Variants in NUMA1 observed in about 807,000 individuals in gnomAD.
NUMA1 encodes the protein SP-H antigen.
Under a neutral mutation model 237.1 loss-of-function variants are expected in NUMA1, and 62 were observed. The observed-to-expected ratio is 0.26, with a 90% CI of 0.21 to 0.32. The LOEUF (loss-of-function observed/expected upper bound fraction) is 0.32, where lower values mean the gene tolerates loss of function less well. Among genes scored for constraint, NUMA1 ranks in the 10% least tolerant of loss-of-function variants. The pLI is 1.00. For synonymous variants in NUMA1, 1,028 were observed against 1,066.1 expected, an observed-to-expected ratio of 0.96 and a Z score of 0.70; for missense variants, 2,533 against 2,666.5, an observed-to-expected ratio of 0.95 and a Z score of 1.10.
chr11:72,013,354 C>T lies in NUMA1; in HGVS notation c.4149G>A (p.Glu1383=). The change falls in exon 15 of 27, where the codon GAG becomes GAA. Residue 1383 remains glutamate (E), a synonymous_variant. Transcript: ENST00000393695. The surrounding 1 kb of genome is among the most constrained non-coding windows in gnomAD (Gnocchi z 6.8). ...EQAAAEKRHR[E]ELEQSKQAAG... ...CGGCCTGCTTGCTCTGCTCCAGCTC[C>T]TCACGGTGGCGTTTCTCGGCAGCGG... 4 of 1,609,124 alleles carry T rather than the reference C, an allele frequency of 2.5e-6. No individual in the cohort carries two copies. Among genetic ancestry groups the T allele is most frequent in the Non-Finnish European group, 3.4e-6 (4 of 1,179,920 alleles).
At chr11:72,070,762 AC>A (rs2136275071) in intron 1 of NUMA1, among the ~76,000 whole-genome samples, 1 of 152,306 alleles carries the variant, frequency 6.6e-6, no homozygotes, top group East Asian at 1.9e-4. Context: ...GAGCGAAACC[AC>A]GTATCCAAAC....
At chr11:72,029,337 G>T in intron 3 of NUMA1, 47 bp from the exon 4 acceptor site, 2 of 853,920 alleles carry the variant, frequency 2.3e-6, no homozygotes, top group South Asian at 1.8e-5. Flanking sequence ...GAAGCAACAT[G>T]GTTTGCTCCT....
intron 7 of NUMA1, among the ~76,000 whole-genome samples, chr11:72,021,529 C>CA (rs1346915358): frequency 1.3e-5 from 2 of 152,234 alleles, no homozygotes; most frequent in East Asian, 3.8e-4. Flanking sequence ...GTACCGAAGT[C>CA]AGAGTTCCTG....
Position 72,008,699 on chromosome 11 carries a change from G to C in NUMA1, c.5205C>G (p.Leu1735=). ...LDLSCEEGTP[L]SITSKLPRTQ... The stretch of plus-strand genomic sequence containing the variant: ...GGCTGCCTCCTGACCTGGTGATACT[G>C]AGTGGGGTCCCCTCCTCGCAGCTCA... Residue 1735 remains leucine, a synonymous_variant, in exon 20 of 27, where the codon CTC becomes CTG. Transcript: ENST00000393695. 2.5e-6 allele frequency: 4 copies of C among 1,614,144 alleles called. No homozygotes were observed. The highest frequency in any genetic ancestry group is 8.5e-7 in the Non-Finnish European group (1 of 1,180,038).
chr11:72,008,888 G>A, intron 19 of NUMA1, 43 bp from the exon 20 acceptor site: 2 of 1,613,482 alleles, frequency 1.2e-6, no homozygotes, highest in Non-Finnish European at 1.7e-6. Context: ...AAAAGCCTAA[G>A]GCAGCAGTGG....
At chr11:72,017,269 T>C in intron 13 of NUMA1, 2 of 229,238 alleles carry the variant, frequency 8.7e-6, no homozygotes, top group Non-Finnish European at 1.8e-5. Context: ...TTACCAATAG[T>C]AACAATCACA....
chr11:72,008,359 G>A (rs572867008), intron 20 of NUMA1: 6 of 406,936 alleles, frequency 1.5e-5, no homozygotes, highest in East Asian at 1.0e-4. Flanking sequence ...CTTAATAGTC[G>A]GTCTCCAATG....
rs1229322877 is a variant in NUMA1, at chr11:72,013,446, T to C, written c.4057A>G (p.Thr1353Ala). 3.1e-6 allele frequency: 5 copies of C among 1,613,214 alleles called. No homozygotes were observed. Among genetic ancestry groups the C allele is most frequent in the Non-Finnish European group, 8.5e-7 (1 of 1,180,020 alleles). Residue 1353 changes from threonine (T) to alanine (A), a missense_variant, in exon 15 of 27, where the codon ACA becomes GCA. Physicochemically the swap from Thr to Ala is moderately conservative, Grantham distance 58. This residue lies in a region of NUMA1 where 324 missense variants were observed against 407.6 expected (regional missense o/e 0.79). Coordinates refer to ENST00000393695, the MANE Select transcript of NUMA1 (RefSeq NM_006185.4). The surrounding 1 kb of genome is among the most constrained non-coding windows in gnomAD (Gnocchi z 6.8). ...AGCAGCTCACTCACCAGGGCCTGTG[T>C]GCTGGTGTGCTCGAGCTGCAGGGTG... ...LSTLQLEHTSTQALVSELLPA... is the reference protein window; with the variant it reads ...LSTLQLEHTSAQALVSELLPA...
At chr11:72,036,022 C>A (rs985450337) in intron 2 of NUMA1, 47 bp from the exon 3 acceptor site, 38 of 1,429,640 alleles carry the variant, frequency 2.7e-5, no homozygotes, top group Non-Finnish European at 5.9e-6. Context: ...ATCAGATATC[C>A]ATGATCAAGA....
At chr11:72,024,200 T>C in intron 5 of NUMA1, 74 bp downstream of exon 5, 3 of 1,346,908 alleles carry the variant, frequency 2.2e-6, no homozygotes, top group Non-Finnish European at 2.1e-6. Flanking sequence ...ACCCATGAAC[T>C]AGTTCCTCTG....
Position 72,015,480 on chromosome 11 carries a change from C to G in NUMA1, c.2023G>C (p.Glu675Gln), listed in dbSNP as rs1220462751. 4 of 1,612,762 alleles carry G rather than the reference C, an allele frequency of 2.5e-6. No individual in the cohort carries two copies. The African/African-American group carries it at 5.3e-5, about 22-fold the overall frequency. Residue 675 changes from glutamate (E) to glutamine (Q), a missense_variant, in exon 15 of 27, where the codon GAG becomes CAG. Physicochemically the swap from Glu to Gln is conservative, Grantham distance 29. Coordinates refer to ENST00000393695, the MANE Select transcript of NUMA1 (RefSeq NM_006185.4). The surrounding 1 kb of genome is among the most constrained non-coding windows in gnomAD (Gnocchi z 4.0). ...EQHEAQAQVA[E>Q]LELQLRSEQQ... ...TCAGACCGCAGCTGCAACTCTAGCT[C>G]TGCAACCTGGGCCTGGGCCTCATGC...
chr11:72,014,574 T>C lies in NUMA1; in HGVS notation c.2929A>G (p.Met977Val), dbSNP rs1956380263. Reference sequence around the variant, plus strand: ...CGCAGCCGTTCCAGCTCATTGCCCATCTGCTCTGCCTCCCGCTCCATAGCC... The same window carrying C: ...CGCAGCCGTTCCAGCTCATTGCCCACCTGCTCTGCCTCCCGCTCCATAGCC... ...LQAMEREAEQMGNELERLRAA... is the reference protein window; with the variant it reads ...LQAMEREAEQVGNELERLRAA... Residue 977 changes from methionine (M) to valine (V), a missense_variant, in exon 15 of 27, where the codon ATG becomes GTG. Met to Val is a conservative substitution (Grantham distance 21). Around this residue, in one of 3 missense-constraint regions of NUMA1, gnomAD observed 1,414 missense variants for 1,508.1 expected, o/e 0.94. Coordinates refer to ENST00000393695, the MANE Select transcript of NUMA1 (RefSeq NM_006185.4). The surrounding 1 kb of genome is among the most constrained non-coding windows in gnomAD (Gnocchi z 4.6). The C allele has an allele frequency of 6.2e-7, 1 of 1,604,196 alleles. No homozygotes were observed. Among genetic ancestry groups the C allele is most frequent in the South Asian group, 1.1e-5 (1 of 91,092 alleles).
In NUMA1 at chr11:72,014,726, G is replaced by A; in HGVS notation, c.2777C>T (p.Ala926Val). The A allele has an allele frequency of 1.9e-6, 3 of 1,614,096 alleles. No homozygotes were observed. Among genetic ancestry groups the A allele is most frequent in the Non-Finnish European group, 2.5e-6 (3 of 1,180,054 alleles). ...VARLETLVRK[A>V]GEQQETASRE... ...GGAGGCTGTTTCCTGCTGCTCACCT[G>A]CCTTGCGCACCAAGGTCTCCAAGCG... The change falls in exon 15 of 27, where the codon GCA becomes GTA. Residue 926 changes from alanine to valine, a missense_variant. By Grantham distance (64) the Ala-to-Val change is moderately conservative (BLOSUM62 0). Around this residue, in one of 3 missense-constraint regions of NUMA1, gnomAD observed 1,414 missense variants for 1,508.1 expected, o/e 0.94. Coordinates refer to ENST00000393695, the MANE Select transcript of NUMA1 (RefSeq NM_006185.4). The surrounding 1 kb of genome is among the most constrained non-coding windows in gnomAD (Gnocchi z 4.6).
chr11:72,018,080 A>G, intron 12 of NUMA1, 103 bp downstream of exon 12: 9 of 1,013,992 alleles, frequency 8.9e-6, no homozygotes, highest in Non-Finnish European at 1.4e-5. Context: ...AGACTGAAGC[A>G]TAAGACAGGT....
chr11:72,027,926 G>C (rs558902299), intron 4 of NUMA1, among the ~76,000 whole-genome samples: 80 of 152,324 alleles, frequency 5.3e-4, no homozygotes, highest in African/African-American at 1.7e-3. Flanking sequence ...AGATGATGTT[G>C]AAATGTCCTG....
chr11:72,003,223 C>T lies in NUMA1; in HGVS notation c.*304G>A, dbSNP rs1318726956. On this transcript the variant is annotated 3_prime_UTR_variant, in exon 27 of 27. Coordinates refer to ENST00000393695, the MANE Select transcript of NUMA1 (RefSeq NM_006185.4). ...GGAAGACTGGCCAGGCCCAAGGACC[C>T]AGCCATCAAAACCAGCCTCAAATCT... 1 of 465,992 alleles carries T rather than the reference C, an allele frequency of 2.1e-6. No homozygotes were observed. Among genetic ancestry groups the T allele is most frequent in the East Asian group, 3.6e-5 (1 of 27,906 alleles). The allele number at this position is 465,992 out of a possible 1,614,324, so 28.9% of individuals were successfully genotyped here.
rs751720054 is a variant in NUMA1 at position 72,013,601 on chromosome 11, GCCTCCTCCCGGAGGCTCTGCA to G, written c.3881_3901del (p.Val1294_Glu1300del). ...CTCTGAAGCCACCCGCTGTTTCTCA[GCCTCCTCCCGGAGGCTCTGCA>G]CCTCCTCCCGCAGAGCAGAGCTGCG... is the stretch of plus-strand genomic sequence containing the variant. On this transcript the variant is annotated inframe_deletion, in exon 15 of 27. Coordinates refer to ENST00000393695, the MANE Select transcript of NUMA1 (RefSeq NM_006185.4). This position sits in a 1 kb window ranked among gnomAD's most constrained non-coding sequence, Gnocchi z 6.8. 3.3e-5 allele frequency: 53 copies of G among 1,611,950 alleles called. No homozygotes were observed. Among genetic ancestry groups the G allele is most frequent in the East Asian group, 2.2e-5 (1 of 44,856 alleles).
chr11:72,078,824 T>C (rs371639589), intron 1 of NUMA1, among the ~76,000 whole-genome samples: 2 of 145,646 alleles, frequency 1.4e-5, no homozygotes, highest in East Asian at 1.9e-4. Context: ...AAAGCTACCT[T>C]ACATGATCCT....
At chr11:72,004,957 C>T (rs1411452482) in intron 23 of NUMA1, 141 bp from the exon 24 acceptor site, 1 of 893,838 alleles carries the variant, frequency 1.1e-6, no homozygotes, top group East Asian at 2.8e-5. Context: ...GACACAAGGC[C>T]TCCTTTCCTG....
Sources: allele counts gnomAD v4.1 joint callset (sites outside exome capture counted in the v4.1 genomes callset), GRCh38; gene constraint gnomAD v4.1.1; regional missense constraint gnomAD v4.1.1; non-coding constraint Gnocchi (gnomAD v3.1); transcripts MANE v1.5; gene names NCBI Gene and HGNC (gene_info 2026-07-23, HGNC 2026-07-21).